The following SGK3 variants were observed in gnomAD, a reference collection of about 807,000 sequenced individuals.
SGK3 encodes serine/threonine-protein kinase Sgk3.
A neutral mutation model predicts 68.5 loss-of-function variants in SGK3; 47 were observed. That is an observed-to-expected ratio of 0.69 (90% CI 0.54 to 0.87). The LOEUF is 0.87. Among genes scored for constraint, SGK3 ranks in the 40% least tolerant of loss-of-function variants. SGK3 has a pLI of 0.00. For synonymous variants in SGK3, 181 were observed against 189.1 expected, an observed-to-expected ratio of 0.96 and a Z score of 0.35; for missense variants, 479 against 575.5, an observed-to-expected ratio of 0.83 and a Z score of 1.72.
chr8:66,729,412 C>T (rs1460086978), intron 1 of SGK3, among the ~76,000 whole-genome samples: 6 of 151,870 alleles, frequency 4.0e-5, no homozygotes, highest in African/African-American at 7.3e-5. Context: ...GCCGAGATCG[C>T]GCCACTGCAC....
intron 6 of SGK3, among the ~76,000 whole-genome samples, chr8:66,825,099 A>G (rs1160881930): frequency 6.6e-6 from 1 of 152,198 alleles, no homozygotes; most frequent in Admixed American, 6.5e-5. Context: ...CTTGCCTTGC[A>G]GTGGAAGACA....
intron 4 of SGK3, among the ~76,000 whole-genome samples, chr8:66,810,033 C>T (rs182719065): frequency 6.6e-6 from 1 of 152,262 alleles, no homozygotes; most frequent in African/African-American, 2.4e-5. Flanking sequence ...TTACATCCAC[C>T]ATATTCCGCT....
At chr8:66,806,786 C>T (rs921764673) in intron 4 of SGK3, among the ~76,000 whole-genome samples, 1 of 150,116 alleles carries the variant, frequency 6.7e-6, no homozygotes, top group African/African-American at 2.5e-5. Context: ...TGCACTCCAG[C>T]CTGGGCAACA....
intron 8 of SGK3, among the ~76,000 whole-genome samples, chr8:66,833,621 C>T (rs780419679): frequency 3.3e-5 from 5 of 152,136 alleles, no homozygotes; most frequent in African/African-American, 1.2e-4. Flanking sequence ...TTGTCAAATC[C>T]GTGACCATGG....
chr8:66,820,774 G>T lies in SGK3; in HGVS notation c.330-1598G>T, dbSNP rs918857069. On this transcript the variant is annotated intron_variant, in intron 5 of 16. Coordinates refer to ENST00000521198, the MANE Select transcript of SGK3 (RefSeq NM_001033578.3). The stretch of plus-strand genomic sequence containing the variant: ...GCTAGAATGCAGGGGTGCAATCTTG[G>T]TTCACTGCAGCCTCAGCCTCCTGGG... Among the ~76,000 whole-genome samples the T allele has an allele frequency of 3.9e-5, 6 of 152,112 alleles. No homozygotes were observed. The East Asian group carries it at 1.2e-3, about 29-fold the overall frequency.
chr8:66,797,691 A>T (rs1231472530), intron 2 of SGK3, among the ~76,000 whole-genome samples: 1 of 152,254 alleles, frequency 6.6e-6, no homozygotes, highest in Admixed American at 6.5e-5. Context: ...ATGACCTAGA[A>T]GGAAGAGAAC....
At chr8:66,724,027 C>G (rs1804901262) in intron 1 of SGK3, among the ~76,000 whole-genome samples, 1 of 152,122 alleles carries the variant, frequency 6.6e-6, no homozygotes, top group African/African-American at 2.4e-5. Flanking sequence ...ACTTTGTCTT[C>G]CCTTTATATT....
chr8:66,820,843 A>C (rs1278852192), intron 5 of SGK3, among the ~76,000 whole-genome samples: 1 of 152,130 alleles, frequency 6.6e-6, no homozygotes, highest in African/African-American at 2.4e-5. Flanking sequence ...AGCTAGGATG[A>C]CAGGTGCACA....
At chr8:66,776,059 A>C (rs564543313) in intron 1 of SGK3, among the ~76,000 whole-genome samples, 1 of 152,358 alleles carries the variant, frequency 6.6e-6, no homozygotes, top group Non-Finnish European at 1.5e-5. Context: ...GATGGGCATT[A>C]ATCTCAAGAA....
intron 1 of SGK3, among the ~76,000 whole-genome samples, chr8:66,729,459 G>T (rs1468887676): frequency 7.0e-6 from 1 of 143,792 alleles, no homozygotes; most frequent in Non-Finnish European, 1.5e-5. Flanking sequence ...CCATCTCAAA[G>T]AAAAGAAAAA....
At chr8:66,784,812 T>A (rs1305620597) in intron 1 of SGK3, among the ~76,000 whole-genome samples, 1 of 152,344 alleles carries the variant, frequency 6.6e-6, no homozygotes, top group East Asian at 1.9e-4. Flanking sequence ...CCCATATTGC[T>A]ATTTTTTTAC....
At chr8:66,802,937 A>G (rs1472340765) in intron 3 of SGK3, among the ~76,000 whole-genome samples, 1 of 152,216 alleles carries the variant, frequency 6.6e-6, no homozygotes, top group Non-Finnish European at 1.5e-5. Flanking sequence ...CACAAATTTC[A>G]GACATCATAT....
intron 14 of SGK3, among the ~76,000 whole-genome samples, chr8:66,846,401 G>A (rs969295005): frequency 5.3e-5 from 8 of 151,996 alleles, no homozygotes; most frequent in Non-Finnish European, 5.9e-5. Context: ...TGCATCCTCC[G>A]CCTCCCAGGT....
rs564759257 is a variant in SGK3, at chr8:66,796,706, A to G, written c.97-1836A>G. Among the ~76,000 whole-genome samples, 4 of 152,254 alleles carry G rather than the reference A, an allele frequency of 2.6e-5. No homozygotes were observed. In the South Asian group the frequency reaches 8.3e-4, roughly 32 times the overall value. On this transcript the variant is annotated intron_variant, in intron 2 of 16. Transcript: ENST00000521198. ...ATTCTAGGTGTCTTGACTTAAACCA[A>G]GTCTAAATTATATTTTTATTTATCC...
At chr8:66,775,487 C>G (rs1006076165) in intron 1 of SGK3, 1 of 152,388 alleles carries the variant, frequency 6.6e-6, no homozygotes, top group Non-Finnish European at 1.5e-5. Flanking sequence ...GGCGCGCGGG[C>G]GGCCCCTCCT....
chr8:66,852,277 C>CTTTTTTTTT lies in SGK3; in HGVS notation c.1320+1372_1320+1380dup, dbSNP rs1204346785. Among the ~76,000 whole-genome samples, 22 of 107,200 alleles carry CTTTTTTTTT rather than the reference C, an allele frequency of 2.1e-4. No individual in the cohort carries two copies. In the East Asian group the frequency reaches 3.5e-3, roughly 17 times the overall value. 70.3% of individuals were successfully genotyped at this position (107,200 alleles called of 152,430 possible). Reference sequence around the variant, plus strand: ...ATGTTGCTGCAAAACTTAAGGAATCCTTTTTTTTTTTTTTTTTTTTTTTGA... The same window carrying CTTTTTTTTT: ...ATGTTGCTGCAAAACTTAAGGAATCCTTTTTTTTTTTTTTTTTTTTTTTTTTTTTTTTGA... On this transcript the variant is annotated intron_variant, in intron 16 of 16. Transcript: ENST00000521198.
At position 66,793,686 on chromosome 8, in the gene SGK3, C is replaced by G; in HGVS notation, c.-51C>G. 1 of 1,574,964 alleles carries G rather than the reference C, an allele frequency of 6.3e-7. No homozygotes were observed. The highest frequency in any genetic ancestry group is 8.7e-7 in the Non-Finnish European group (1 of 1,155,128). On this transcript the variant is annotated 5_prime_UTR_variant, in exon 2 of 17. Transcript: ENST00000521198. The stretch of plus-strand genomic sequence containing the variant: ...TGGATTAGTTAATTGGGTTTGTCCT[C>G]TGCTGACTGTTTCTTCGGATGCATT...
In SGK3 at chr8:66,789,704, A is replaced by G. The variant is rs139058750; in HGVS notation, c.-121-3912A>G. Among the ~76,000 whole-genome samples the G allele has an allele frequency of 6.2e-4, 95 of 152,226 alleles. 1 individual carries two copies. In the East Asian group the frequency reaches 9.3e-3, roughly 15 times the overall value. On this transcript the variant is annotated intron_variant, in intron 1 of 16. Transcript: ENST00000521198. ...TATATTCCTATTTCTGTAGTGGACA[A>G]TCATCCTGGAAAATTGCTGCAGGTC...
chr8:66,721,328 G>C (rs1379530755), intron 1 of SGK3, among the ~76,000 whole-genome samples: 1 of 152,186 alleles, frequency 6.6e-6, no homozygotes, highest in Non-Finnish European at 1.5e-5. Flanking sequence ...CCTGCTCTCT[G>C]AGAGTTTGCT....
Sources: gnomAD v4.1 joint callset for allele counts (sites outside exome capture counted in the v4.1 genomes callset) on GRCh38, gnomAD v4.1.1 for gene constraint, MANE v1.5 for transcripts, NCBI Gene and HGNC (gene_info 2026-07-23, HGNC 2026-07-21) for gene names.